Variants in PTPN5 observed in about 807,000 individuals in gnomAD.
PTPN5 encodes the protein protein tyrosine phosphatase non-receptor type 5.
PTPN5 carries 29 observed loss-of-function variants against 73.9 expected under a neutral mutation model. That is an observed-to-expected ratio of 0.39 (90% CI 0.29 to 0.54). PTPN5 has a LOEUF of 0.54. PTPN5 is among the 20% of genes least tolerant of loss of function. The pLI is 0.65. For missense variants in PTPN5, 652 were observed against 751.4 expected, an observed-to-expected ratio of 0.87 and a Z score of 1.55; for synonymous variants, 267 against 304.7, an observed-to-expected ratio of 0.88 and a Z score of 1.29.
rs1228100856 is a variant in PTPN5 at position 18,740,775 on chromosome 11, G to A, written c.743C>T (p.Ser248Phe). 6.4e-7 allele frequency: 1 copy of A among 1,563,686 alleles called. No individual in the cohort carries two copies. Among genetic ancestry groups the A allele is most frequent in the African/African-American group, 1.4e-5 (1 of 73,036 alleles). Reference protein sequence around the residue: ...GLQERRGSNVSLTLDMCTPGC... With the variant: ...GLQERRGSNVFLTLDMCTPGC... ...CGGAGTGCACATGTCCAGGGTCAGG[G>A]AGACATTGGAACCCCTCCTGGAAGG... Residue 248 changes from serine (S) to phenylalanine (F), a missense_variant, in exon 8 of 15, where the codon TCC becomes TTC. This residue lies in a region of PTPN5 where 529 missense variants were observed against 573.9 expected (regional missense o/e 0.92). Transcript: ENST00000358540.
chr11:18,756,677 C>G (rs1280529178), intron 3 of PTPN5, among the ~76,000 whole-genome samples: 1 of 151,912 alleles, frequency 6.6e-6, no homozygotes, highest in Admixed American at 6.5e-5. Flanking sequence ...AATCCCAGCA[C>G]TTTGGGAGGC....
chr11:18,746,326 G>A (rs1849636727), intron 3 of PTPN5, among the ~76,000 whole-genome samples: 1 of 151,298 alleles, frequency 6.6e-6, no homozygotes. Flanking sequence ...GGAGTAGCTG[G>A]TATCGCAGGT....
chr11:18,761,081 C>T (rs544847434), intron 3 of PTPN5, among the ~76,000 whole-genome samples: 30 of 152,108 alleles, frequency 2.0e-4, no homozygotes, highest in Non-Finnish European at 3.1e-4. Context: ...CATGCATGCA[C>T]GCAAGCAATG....
intron 3 of PTPN5, among the ~76,000 whole-genome samples, chr11:18,750,561 T>C (rs1310422612): frequency 6.6e-6 from 1 of 152,190 alleles, no homozygotes; most frequent in Non-Finnish European, 1.5e-5. Flanking sequence ...TTCATAGGAT[T>C]GTTGCTCCTA....
chr11:18,733,732 G>C lies in PTPN5; in HGVS notation c.1001-97C>G. ...TCCAGCATACCCACACTTCTTCTGC[G>C]ACATTAGCAGTTCTTCCTTCCCTTG... is the stretch of plus-strand genomic sequence containing the variant. On this transcript the variant is annotated intron_variant, in intron 9 of 14. Coordinates refer to ENST00000358540, the MANE Select transcript of PTPN5 (RefSeq NM_006906.2). This position sits in a 1 kb window ranked among gnomAD's most constrained non-coding sequence, Gnocchi z 4.3. 1 of 1,041,560 alleles carries C rather than the reference G, an allele frequency of 9.6e-7. No homozygotes were observed. The highest frequency in any genetic ancestry group is 1.3e-5 in the South Asian group (1 of 75,606). The allele number at this position is 1,041,560 out of a possible 1,614,324, so 64.5% of individuals were successfully genotyped here.
chr11:18,756,454 G>T (rs1228428447), intron 3 of PTPN5, among the ~76,000 whole-genome samples: 2 of 151,864 alleles, frequency 1.3e-5, no homozygotes, highest in Non-Finnish European at 2.9e-5. Flanking sequence ...AAGCCATCAT[G>T]CCTGGCTAGT....
intron 3 of PTPN5, among the ~76,000 whole-genome samples, chr11:18,761,820 C>G (rs757287845): frequency 1.3e-5 from 2 of 152,036 alleles, no homozygotes; most frequent in Admixed American, 1.3e-4. Context: ...GTGGAAGCCG[C>G]GGGATGGAGG....
At chr11:18,735,839 G>A (rs184649664) in intron 9 of PTPN5, among the ~76,000 whole-genome samples, 7 of 152,044 alleles carry the variant, frequency 4.6e-5, no homozygotes, top group African/African-American at 1.7e-4. Flanking sequence ...ATTTAAGGAA[G>A]AGAATGACAC....
rs1849446208 is a variant in PTPN5 at position 18,743,041 on chromosome 11, C to G, written c.434G>C (p.Ser145Thr). The G allele has an allele frequency of 1.3e-6, 2 of 1,551,856 alleles. No individual in the cohort carries two copies. Among genetic ancestry groups the G allele is most frequent in the Middle Eastern group, 1.7e-4 (1 of 5,988 alleles). The change falls in exon 6 of 15, where the codon AGT becomes ACT. Residue 145 changes from serine to threonine, a missense_variant. Ser to Thr is a moderately conservative substitution (Grantham distance 58). Transcript: ENST00000358540. ...CACGGACAGAAAGACCAGCAGCAGA[C>G]TGGGGACTCCCCACGTCCCAGAGTC... is the stretch of plus-strand genomic sequence containing the variant. ...WLDSGTWGVP[S>T]LLLVFLSVGL...
chr11:18,740,930 T>A (rs1383083084), intron 7 of PTPN5, 138 bp from the exon 8 acceptor site: 3 of 468,676 alleles, frequency 6.4e-6, no homozygotes, highest in Non-Finnish European at 1.1e-5. Flanking sequence ...AGTGGGAGTG[T>A]GACAAGACCC....
chr11:18,747,152 ATT>A (rs10618446), intron 3 of PTPN5, among the ~76,000 whole-genome samples: 1 of 148,156 alleles, frequency 6.7e-6, no homozygotes. Context: ...ACTTGGCTGC[ATT>A]TTTTTTTTTT....
At chr11:18,792,480 G>GC (rs2134393732), upstream of PTPN5, 1 of 152,568 alleles carries the variant, frequency 6.6e-6, no homozygotes, top group Admixed American at 6.5e-5. Flanking sequence ...CTGACGTGCG[G>GC]CGCGGGGCAC....
At chr11:18,766,218 C>A (rs1324047111) in intron 2 of PTPN5, among the ~76,000 whole-genome samples, 1 of 152,168 alleles carries the variant, frequency 6.6e-6, no homozygotes, top group Non-Finnish European at 1.5e-5. Context: ...TCACCATGAC[C>A]TCATGAATGA....
At chr11:18,762,430 A>G (rs1199992023) in intron 3 of PTPN5, among the ~76,000 whole-genome samples, 1 of 151,986 alleles carries the variant, frequency 6.6e-6, no homozygotes, top group African/African-American at 2.4e-5. Context: ...TTTTATGTCC[A>G]AGTTGCAGTA....
rs763389255 is a variant in PTPN5, at chr11:18,743,388, G to A, written c.333C>T (p.Ile111=). Residue 111 remains isoleucine, a synonymous_variant, in exon 5 of 15, where the codon ATC becomes ATT. Transcript: ENST00000358540. ...GVLWFSGYGH[I]WSQNATNLVS... is the part of the protein sequence containing the mutation. ...CGAGGTTTGTGGCGTTCTGTGACCAGATGTGGCCATAACCGCTGAACCAGA... is the reference window on the plus strand; with the variant it reads ...CGAGGTTTGTGGCGTTCTGTGACCAAATGTGGCCATAACCGCTGAACCAGA... The A allele has an allele frequency of 1.2e-6, 2 of 1,614,160 alleles. No individual in the cohort carries two copies. Among genetic ancestry groups the A allele is most frequent in the Non-Finnish European group, 1.7e-6 (2 of 1,180,022 alleles).
chr11:18,762,160 T>C (rs1219368544), intron 3 of PTPN5, among the ~76,000 whole-genome samples: 2 of 152,020 alleles, frequency 1.3e-5, no homozygotes, highest in Non-Finnish European at 2.9e-5. Context: ...TGACCTGTCC[T>C]GTGTTGGCTC....
chr11:18,756,294 C>CTTT lies in PTPN5; in HGVS notation c.97+9510_97+9512dup, dbSNP rs552226983. Among the ~76,000 whole-genome samples, 98 of 111,018 alleles carry CTTT rather than the reference C, an allele frequency of 8.8e-4. 6 individuals are homozygous for CTTT. The highest frequency in any genetic ancestry group is 5.8e-3 in the Middle Eastern group (1 of 172). The allele number at this position is 111,018 out of a possible 152,430, so 72.8% of individuals were successfully genotyped here. A position where few individuals can be genotyped will look rare whatever the true frequency, so the allele number is the denominator to read the frequency against. On this transcript the variant is annotated intron_variant, in intron 3 of 14. Coordinates refer to ENST00000358540, the MANE Select transcript of PTPN5 (RefSeq NM_006906.2). ...TCTTCTTGGTCCCTTACATCCTTCACTTTTTTTTTTTTTTTTTTTTGAGAC... is the reference window on the plus strand; with the variant it reads ...TCTTCTTGGTCCCTTACATCCTTCACTTTTTTTTTTTTTTTTTTTTTTTGAGAC...
intron 7 of PTPN5, among the ~76,000 whole-genome samples, chr11:18,741,289 G>C (rs1849353619): frequency 6.6e-6 from 1 of 152,176 alleles, no homozygotes; most frequent in Admixed American, 6.5e-5. Flanking sequence ...GGAGAGGCCA[G>C]GACCCCCGCT....
At chr11:18,787,253 A>G (rs1029326304) in intron 1 of PTPN5, among the ~76,000 whole-genome samples, 6 of 152,160 alleles carry the variant, frequency 3.9e-5, no homozygotes, top group Non-Finnish European at 8.8e-5. Context: ...ATGGTATAAT[A>G]TCTTTATTTA....
Sources: gnomAD v4.1 joint callset for allele counts (sites outside exome capture counted in the v4.1 genomes callset) on GRCh38, gnomAD v4.1.1 for gene constraint, gnomAD v4.1.1 regional missense constraint, Gnocchi (gnomAD v3.1) non-coding constraint, MANE v1.5 for transcripts, NCBI Gene and HGNC (gene_info 2026-07-23, HGNC 2026-07-21) for gene names.